Variants in DPF3 observed in about 807,000 individuals in gnomAD.
DPF3 encodes zinc finger protein DPF3.
A neutral mutation model predicts 56.8 loss-of-function variants in DPF3; 18 were observed. The observed-to-expected ratio is 0.32, with a 90% CI of 0.22 to 0.47. The LOEUF (loss-of-function observed/expected upper bound fraction) is 0.47, where lower values mean the gene tolerates loss of function less well. Ranked by LOEUF, DPF3 falls within the 20% of genes least tolerant of loss-of-function variation. The probability of loss-of-function intolerance (pLI) is 1.00; values close to 1 mark genes in which losing one functional copy is unlikely to be tolerated. For synonymous variants in DPF3, 188 were observed against 180.2 expected (o/e 1.04, Z -0.35); for missense variants, 403 against 488.8 (o/e 0.82, Z 1.65).
chr14:72,674,115 C>T (rs1313337597), intron 8 of DPF3, 125 bp downstream of exon 8: 3 of 1,351,376 alleles, frequency 2.2e-6, no homozygotes, highest in Non-Finnish European at 2.9e-6. Flanking sequence ...GAAAACTCCT[C>T]TCCACTCGAA....
chr14:72,721,124 G>A (rs1417786986), intron 5 of DPF3, among the ~76,000 whole-genome samples: 1 of 152,176 alleles, frequency 6.6e-6, no homozygotes, highest in African/African-American at 2.4e-5. Flanking sequence ...ATAATGCACA[G>A]TGCAGAAATA....
chr14:72,717,967 G>A (rs902614436), intron 5 of DPF3, among the ~76,000 whole-genome samples: 3 of 152,188 alleles, frequency 2.0e-5, no homozygotes, highest in Admixed American at 6.5e-5. Flanking sequence ...TGGCTGGCTC[G>A]GGAGTAGTCA....
chr14:72,893,929 G>A, intron 1 of DPF3, 128 bp downstream of exon 1: 4 of 1,038,150 alleles, frequency 3.9e-6, no homozygotes, highest in Non-Finnish European at 5.8e-6. Context: ...GCTGAAAGAA[G>A]AGAGAAGCCC....
intron 8 of DPF3, chr14:72,670,148 G>GTCAA (rs1886604809): frequency 1.0e-6 from 1 of 985,772 alleles, no homozygotes; most frequent in South Asian, 4.7e-5. Flanking sequence ...CATCCAATGG[G>GTCAA]TATTGATACG....
At chr14:72,723,513 G>T in intron 5 of DPF3, 120 bp downstream of exon 5, 1 of 873,270 alleles carries the variant, frequency 1.1e-6, no homozygotes. Flanking sequence ...TTTCTCCTTT[G>T]AGCGTTCTCC....
chr14:72,661,524 G>C lies in DPF3; in HGVS notation c.871+12716C>G, dbSNP rs556517513. On this transcript the variant is annotated intron_variant, in intron 8 of 10. Coordinates refer to ENST00000556509, the MANE Select transcript of DPF3 (RefSeq NM_001280542.3). Reference sequence around the variant, plus strand: ...GAAAGCCCAGTGCAGTGGGGAGCCTGCGGGTAGAACCCAGTGGCTCAGCCA... The same window carrying C: ...GAAAGCCCAGTGCAGTGGGGAGCCTCCGGGTAGAACCCAGTGGCTCAGCCA... 9 of 985,532 alleles carry C rather than the reference G, an allele frequency of 9.1e-6. No homozygotes were observed. In the South Asian group the frequency reaches 4.2e-4, roughly 46 times the overall value. 61.0% of individuals were successfully genotyped at this position (985,532 alleles called of 1,614,324 possible). A position where few individuals can be genotyped will look rare whatever the true frequency, so the allele number is the denominator to read the frequency against.
chr14:72,792,084 C>A (rs979345267), intron 1 of DPF3, among the ~76,000 whole-genome samples: 1 of 152,178 alleles, frequency 6.6e-6, no homozygotes, highest in Non-Finnish European at 1.5e-5. Flanking sequence ...TGGAACATGC[C>A]CCCCACCCCC....
intron 3 of DPF3, among the ~76,000 whole-genome samples, chr14:72,737,340 A>C (rs1889933406): frequency 6.6e-6 from 1 of 152,118 alleles, no homozygotes; most frequent in African/African-American, 2.4e-5. Context: ...CAGGTGCCCC[A>C]AGCCTGCCAC....
At chr14:72,862,671 C>A (rs1298738391) in intron 1 of DPF3, among the ~76,000 whole-genome samples, 1 of 152,282 alleles carries the variant, frequency 6.6e-6, no homozygotes, top group East Asian at 1.9e-4. Flanking sequence ...AGCCATGCCT[C>A]CACCTCTGGA....
At chr14:72,791,488 C>T (rs1892428634) in intron 1 of DPF3, among the ~76,000 whole-genome samples, 1 of 152,252 alleles carries the variant, frequency 6.6e-6, no homozygotes, top group African/African-American at 2.4e-5. Flanking sequence ...AGCAAGCCCA[C>T]AGCAAGCTGT....
Position 72,612,753 on chromosome 14 carries a change from A to G in DPF3, c.*6544T>C, listed in dbSNP as rs1476711636. On this transcript the variant is annotated 3_prime_UTR_variant, in exon 11 of 11. Transcript: ENST00000556509. ...CTTTTGAAGTACCCAACTATTGCCA[A>G]ATATCTTTCATGAAAAGAAGCATAG... is the stretch of plus-strand genomic sequence containing the variant. The G allele has an allele frequency of 6.3e-5, 24 of 379,172 alleles. No homozygotes were observed. The highest frequency in any genetic ancestry group is 1.0e-4 in the Non-Finnish European group (19 of 190,522). The allele number at this position is 379,172 out of a possible 1,614,324, so 23.5% of individuals were successfully genotyped here. A position where few individuals can be genotyped will look rare whatever the true frequency, so the allele number is the denominator to read the frequency against.
intron 2 of DPF3, among the ~76,000 whole-genome samples, chr14:72,767,501 C>A (rs1279808331): frequency 1.3e-5 from 2 of 151,996 alleles, no homozygotes; most frequent in Non-Finnish European, 2.9e-5. Flanking sequence ...TAAAAAAGCT[C>A]TCAATGGATT....
At chr14:72,699,361 G>A (rs1224732034) in intron 6 of DPF3, among the ~76,000 whole-genome samples, 9 of 151,706 alleles carry the variant, frequency 5.9e-5, no homozygotes, top group Non-Finnish European at 1.3e-4. Flanking sequence ...CTCTGCAAAA[G>A]ACAATTCAAG....
At chr14:72,853,109 A>G (rs938945728) in intron 1 of DPF3, 23 of 150,060 alleles carry the variant, frequency 1.5e-4, no homozygotes, top group African/African-American at 5.6e-4. Context: ...AGGATTTACA[A>G]AAACTCCTTA....
chr14:72,697,048 C>A (rs976716418), intron 6 of DPF3, among the ~76,000 whole-genome samples: 1 of 108,788 alleles, frequency 9.2e-6, no homozygotes, highest in Non-Finnish European at 2.0e-5. Context: ...AGCCTTGAGA[C>A]CTTTGTTCAG....
chr14:72,852,486 G>A (rs759163357), intron 1 of DPF3, among the ~76,000 whole-genome samples: 1 of 152,178 alleles, frequency 6.6e-6, no homozygotes, highest in African/African-American at 2.4e-5. Context: ...GGGTGGGATC[G>A]GTGTGTGTAA....
chr14:72,639,988 C>T lies in DPF3; in HGVS notation c.872-10252G>A, dbSNP rs904082388. On this transcript the variant is annotated intron_variant, in intron 8 of 10. Transcript: ENST00000556509. Reference sequence around the variant, plus strand: ...AATGCTGGAGAGGCTCAGGGAAAGCCACTGAGAGGAGGTAGCTTTCAAGCT... The same window carrying T: ...AATGCTGGAGAGGCTCAGGGAAAGCTACTGAGAGGAGGTAGCTTTCAAGCT... Among the ~76,000 whole-genome samples the T allele has an allele frequency of 2.2e-5, 3 of 134,446 alleles. No individual in the cohort carries two copies. The Admixed American group carries it at 2.5e-4, about 11-fold the overall frequency. 88.2% of individuals were successfully genotyped at this position (134,446 alleles called of 152,430 possible).
At chr14:72,671,204 G>A in intron 8 of DPF3, 1 of 1,613,958 alleles carries the variant, frequency 6.2e-7, no homozygotes, top group Non-Finnish European at 8.5e-7. Context: ...CAGGAGCGAG[G>A]CTCTTCCAAA....
intron 2 of DPF3, among the ~76,000 whole-genome samples, chr14:72,766,373 A>C (rs1233120878): frequency 6.6e-6 from 1 of 152,212 alleles, no homozygotes; most frequent in African/African-American, 2.4e-5. Flanking sequence ...TTGGGACCTG[A>C]GAAACAACAG....
Sources: allele counts gnomAD v4.1 joint callset (sites outside exome capture counted in the v4.1 genomes callset), GRCh38; gene constraint gnomAD v4.1.1; transcripts MANE v1.5; gene names NCBI Gene and HGNC (gene_info 2026-07-23, HGNC 2026-07-21).